LRMDA: variants seen among roughly 807,000 people sequenced by gnomAD.
The protein encoded by LRMDA is leucine-rich melanocyte differentiation-associated protein.
LRMDA carries 18 observed loss-of-function variants against 29.8 expected under a neutral mutation model. The observed-to-expected ratio is 0.60, with a 90% confidence interval of 0.42 to 0.90. The LOEUF is 0.90. Ranked by LOEUF, LRMDA falls within the 40% of genes least tolerant of loss-of-function variation. The pLI is 0.00. For synonymous variants in LRMDA, 125 were observed against 109.4 expected (o/e 1.14, Z -0.89); for missense variants, 273 against 273.9 (o/e 1.00, Z 0.02).
chr10:75,579,430 T>C (rs1295341106), intron 2 of LRMDA, among the ~76,000 whole-genome samples: 1 of 152,030 alleles, frequency 6.6e-6, no homozygotes, highest in African/African-American at 2.4e-5. Flanking sequence ...GTAGCAATTA[T>C]TAGCCTACCA....
At chr10:75,932,302 G>T (rs575808154) in intron 2 of LRMDA, among the ~76,000 whole-genome samples, 1 of 152,182 alleles carries the variant, frequency 6.6e-6, no homozygotes, top group East Asian at 1.9e-4. Context: ...CTTATCTTGG[G>T]TTCTCCTTCC....
chr10:76,085,419 T>G (rs1043570641), intron 5 of LRMDA, among the ~76,000 whole-genome samples: 1 of 152,170 alleles, frequency 6.6e-6, no homozygotes, highest in African/African-American at 2.4e-5. Flanking sequence ...AATGCAATCT[T>G]GCGCTGTATT....
At position 76,393,286 on chromosome 10, in the gene LRMDA, G is replaced by A. The variant is rs192856385; in HGVS notation, c.601+68801G>A. On this transcript the variant is annotated intron_variant, in intron 6 of 6. Coordinates refer to ENST00000611255, the MANE Select transcript of LRMDA (RefSeq NM_001305581.2). ...TGTTTTTTAACTTACATTCCCACTGGTAATGTACATGGGTTCCCTTTTTCC... is the reference window on the plus strand; with the variant it reads ...TGTTTTTTAACTTACATTCCCACTGATAATGTACATGGGTTCCCTTTTTCC... Among the ~76,000 whole-genome samples, 310 of 152,120 alleles carry A rather than the reference G, an allele frequency of 2.0e-3. 1 individual carries two copies. The highest frequency in any genetic ancestry group is 7.2e-3 in the African/African-American group (298 of 41,528).
intron 5 of LRMDA, among the ~76,000 whole-genome samples, chr10:76,251,450 C>T (rs1222495141): frequency 2.0e-5 from 3 of 151,134 alleles, no homozygotes; most frequent in African/African-American, 7.3e-5. Context: ...GACGGGGTTT[C>T]ACCTTGTTAG....
Position 76,023,343 on chromosome 10 carries a change from G to A in LRMDA, c.132-12665G>A, listed in dbSNP as rs545477319. ...TCTGAAAGATGAAGAAAAGCAGGCG[G>A]GAGTTCTTTTCTCCCCTAACTTTCC... is the stretch of plus-strand genomic sequence containing the variant. On this transcript the variant is annotated intron_variant, in intron 2 of 6. Transcript: ENST00000611255. Among the ~76,000 whole-genome samples, 35 of 152,210 alleles carry A rather than the reference G, an allele frequency of 2.3e-4. No homozygotes were observed. The South Asian group carries it at 7.3e-3, about 32-fold the overall frequency.
intron 5 of LRMDA, among the ~76,000 whole-genome samples, chr10:76,178,005 A>G (rs1255695385): frequency 6.6e-6 from 1 of 152,176 alleles, no homozygotes; most frequent in East Asian, 1.9e-4. Flanking sequence ...GCTGTTTGCC[A>G]TAGGCTGTCT....
chr10:76,379,627 C>A (rs1436715772), intron 6 of LRMDA, among the ~76,000 whole-genome samples: 1 of 151,958 alleles, frequency 6.6e-6, no homozygotes, highest in Non-Finnish European at 1.5e-5. Context: ...GTTTAGCTAG[C>A]AGTTTATCAA....
chr10:75,653,981 G>A (rs1020626850), intron 2 of LRMDA, among the ~76,000 whole-genome samples: 2 of 152,260 alleles, frequency 1.3e-5, no homozygotes, highest in South Asian at 4.1e-4. Context: ...TAAAGTCCCC[G>A]GGTTGGCCTC....
At chr10:75,947,884 A>G (rs1262511736) in intron 2 of LRMDA, among the ~76,000 whole-genome samples, 1 of 152,044 alleles carries the variant, frequency 6.6e-6, no homozygotes, top group Non-Finnish European at 1.5e-5. Context: ...TCGTTGTTTC[A>G]ATGTTCTTGC....
At chr10:75,634,657 A>G (rs759073598) in intron 2 of LRMDA, among the ~76,000 whole-genome samples, 4 of 152,252 alleles carry the variant, frequency 2.6e-5, no homozygotes, top group Non-Finnish European at 5.9e-5. Context: ...GGTATAAGGA[A>G]TGAAAAGGAG....
chr10:76,045,784 G>T (rs1291698777), intron 3 of LRMDA, among the ~76,000 whole-genome samples: 1 of 152,094 alleles, frequency 6.6e-6, no homozygotes, highest in Non-Finnish European at 1.5e-5. Flanking sequence ...AAGGAAAACT[G>T]TTATGGTTGT....
intron 6 of LRMDA, among the ~76,000 whole-genome samples, chr10:76,477,793 A>C (rs1411516139): frequency 2.0e-5 from 3 of 152,106 alleles, no homozygotes; most frequent in Admixed American, 6.6e-5. Context: ...CAAAAACAAG[A>C]AATGGGGAAA....
chr10:75,956,784 G>A (rs1449637468), intron 2 of LRMDA, among the ~76,000 whole-genome samples: 1 of 152,214 alleles, frequency 6.6e-6, no homozygotes, highest in Non-Finnish European at 1.5e-5. Flanking sequence ...CCTTTTTAAG[G>A]ATATGACATC....
chr10:75,447,334 T>C (rs944695105), intron 2 of LRMDA, among the ~76,000 whole-genome samples: 10 of 152,278 alleles, frequency 6.6e-5, no homozygotes, highest in Middle Eastern at 3.4e-3. Flanking sequence ...GTGACCAGCC[T>C]GGCCAACGTG....
intron 6 of LRMDA, among the ~76,000 whole-genome samples, chr10:76,528,613 T>G (rs1843203023): frequency 6.6e-6 from 1 of 152,160 alleles, no homozygotes; most frequent in East Asian, 1.9e-4. Context: ...TGAAAATAGT[T>G]TCAGAGAGAA....
Position 76,241,216 on chromosome 10 carries a change from T to G in LRMDA, c.517-83185T>G, listed in dbSNP as rs1406467604. Among the ~76,000 whole-genome samples, 4 of 152,206 alleles carry G rather than the reference T, an allele frequency of 2.6e-5. No homozygotes were observed. The East Asian group carries it at 7.7e-4, about 29-fold the overall frequency. On this transcript the variant is annotated intron_variant, in intron 5 of 6. Coordinates refer to ENST00000611255, the MANE Select transcript of LRMDA (RefSeq NM_001305581.2). The stretch of plus-strand genomic sequence containing the variant: ...TCTCAGAAATCACTACTAAAGACCT[T>G]ATTCATGTAACCAAACACCACCTGT...
At chr10:76,162,772 G>T (rs1850671495) in intron 5 of LRMDA, among the ~76,000 whole-genome samples, 1 of 152,160 alleles carries the variant, frequency 6.6e-6, no homozygotes, top group Non-Finnish European at 1.5e-5. Flanking sequence ...GAGATTTGGG[G>T]AGGACACGCA....
intron 6 of LRMDA, among the ~76,000 whole-genome samples, chr10:76,372,563 G>A (rs962576967): frequency 4.0e-5 from 6 of 151,496 alleles, no homozygotes; most frequent in South Asian, 2.1e-4. Flanking sequence ...GCAGTGAGCC[G>A]AGATCACATC....
At chr10:76,330,361 A>C (rs780459716) in intron 6 of LRMDA, among the ~76,000 whole-genome samples, 6 of 152,180 alleles carry the variant, frequency 3.9e-5, no homozygotes, top group Non-Finnish European at 8.8e-5. Flanking sequence ...GACAAAGGGT[A>C]TGATCTAATG....
Sources: gnomAD v4.1 joint callset for allele counts (sites outside exome capture counted in the v4.1 genomes callset) on GRCh38, gnomAD v4.1.1 for gene constraint, MANE v1.5 for transcripts, NCBI Gene and HGNC (gene_info 2026-07-23, HGNC 2026-07-21) for gene names.